The following DCAF6 variants were observed in gnomAD, a reference collection of about 807,000 sequenced individuals.
The protein encoded by DCAF6 is DDB1 and CUL4 associated factor 6.
Under a neutral mutation model 125.1 loss-of-function variants are expected in DCAF6, and 54 were observed. The observed-to-expected ratio is 0.43, with a 90% CI of 0.35 to 0.54. The LOEUF is 0.54. Among genes scored for constraint, DCAF6 ranks in the 20% least tolerant of loss-of-function variants. DCAF6 has a pLI of 0.01. For synonymous variants in DCAF6, 371 were observed against 390.4 expected (o/e 0.95, Z 0.58); for missense variants, 934 against 1,161.7 (o/e 0.80, Z 2.85).
At chr1:167,883,301 G>C in the DCAF6 span, 151 of 933,982 alleles carry the variant, frequency 1.6e-4, no homozygotes, top group Middle Eastern at 2.7e-4. Flanking sequence ...GCCTCCCAAA[G>C]AGCTGGGATT....
Position 168,065,485 on chromosome 1 carries a change from T to TA in DCAF6, c.2440-99dup, listed in dbSNP as rs1325598946. On this transcript the variant is annotated intron_variant, in intron 18 of 21. Coordinates refer to ENST00000367840, the MANE Select transcript of DCAF6 (RefSeq NM_001198956.2). ...TTTACTATTTTCTAAGCCAGTTTTT[T>TA]AAAAAATGTAAGAATTAAAACAAAT... The TA allele has an allele frequency of 1.8e-5, 17 of 940,882 alleles. No homozygotes were observed. In the East Asian group the frequency reaches 2.1e-4, roughly 12 times the overall value. The allele number at this position is 940,882 out of a possible 1,614,324, so 58.3% of individuals were successfully genotyped here.
chr1:167,882,880 G>A, the DCAF6 span, among the ~76,000 whole-genome samples: 1 of 152,184 alleles, frequency 6.6e-6, no homozygotes, highest in African/African-American at 2.4e-5. Context: ...TCTATATAAT[G>A]AGGATAATGA....
At chr1:168,059,532 T>C (rs1181652120) in intron 17 of DCAF6, among the ~76,000 whole-genome samples, 1 of 152,258 alleles carries the variant, frequency 6.6e-6, no homozygotes, top group Non-Finnish European at 1.5e-5. Context: ...ACTTTTTCAG[T>C]TCTACAAATA....
chr1:168,065,286 T>C (rs544919236), intron 18 of DCAF6, among the ~76,000 whole-genome samples: 234 of 152,186 alleles, frequency 1.5e-3, no homozygotes, highest in African/African-American at 5.4e-3. Flanking sequence ...CCTATCATAA[T>C]TTAAAGAAGC....
rs376516958 is a variant in DCAF6, at chr1:168,045,070, A to G, written c.2101A>G (p.Asn701Asp). The G allele has an allele frequency of 6.2e-7, 1 of 1,613,974 alleles. No homozygotes were observed. Among genetic ancestry groups the G allele is most frequent in the Non-Finnish European group, 8.5e-7 (1 of 1,179,962 alleles). Reference protein sequence around the residue: ...TSTESATNENNTNPEPQFQTE... With the variant: ...TSTESATNENDTNPEPQFQTE... ...CACTGAGAGTGCTACCAATGAAAATAACACCAATCCTGAGCCTCAGTTCCA... is the reference window on the plus strand; with the variant it reads ...CACTGAGAGTGCTACCAATGAAAATGACACCAATCCTGAGCCTCAGTTCCA... Residue 701 changes from asparagine (N) to aspartate (D), a missense_variant, in exon 16 of 22, where the codon AAC (asparagine) becomes GAC (aspartate). By Grantham distance (23) the Asn-to-Asp change is conservative. Transcript: ENST00000367840.
intron 4 of DCAF6, among the ~76,000 whole-genome samples, chr1:167,981,927 A>G (rs1197492776): frequency 1.3e-5 from 2 of 152,294 alleles, no homozygotes; most frequent in East Asian, 1.9e-4. Context: ...TGGTCATTCT[A>G]AGTTCTTTGA....
At chr1:167,967,117 T>C (rs1390009882) in intron 3 of DCAF6, among the ~76,000 whole-genome samples, 1 of 152,188 alleles carries the variant, frequency 6.6e-6, no homozygotes, top group African/African-American at 2.4e-5. Flanking sequence ...ATGTTAAGAA[T>C]AGTGTGGGTA....
intron 21 of DCAF6, among the ~76,000 whole-genome samples, chr1:168,070,338 T>C (rs991852306): frequency 6.6e-6 from 1 of 152,120 alleles, no homozygotes; most frequent in African/African-American, 2.4e-5. Flanking sequence ...ACCACTCTTT[T>C]TCTCTCCTAT....
chr1:167,925,166 C>A, the DCAF6 span, among the ~76,000 whole-genome samples: 1 of 151,896 alleles, frequency 6.6e-6, no homozygotes. Context: ...ATTCTTACAG[C>A]AAAATTCATT....
chr1:168,044,259 G>A (rs1339917754), intron 14 of DCAF6, among the ~76,000 whole-genome samples: 1 of 152,080 alleles, frequency 6.6e-6, no homozygotes, highest in African/African-American at 2.4e-5. Context: ...AAAAAATCTG[G>A]ATTTAATGAT....
intron 3 of DCAF6, among the ~76,000 whole-genome samples, chr1:167,971,178 A>G (rs1009235022): frequency 6.6e-6 from 1 of 152,118 alleles, no homozygotes; most frequent in Admixed American, 6.5e-5. Flanking sequence ...TTTAAAATTC[A>G]TTCTTCAAAT....
At chr1:167,990,189 C>A (rs1007534763) in intron 5 of DCAF6, among the ~76,000 whole-genome samples, 1 of 151,808 alleles carries the variant, frequency 6.6e-6, no homozygotes, top group African/African-American at 2.4e-5. Flanking sequence ...CATAGTGAGA[C>A]CCTATTTGTA....
At chr1:168,029,688 A>T (rs1231429563) in intron 12 of DCAF6, among the ~76,000 whole-genome samples, 1 of 152,160 alleles carries the variant, frequency 6.6e-6, no homozygotes, top group African/African-American at 2.4e-5. Flanking sequence ...GTGGTTAAGA[A>T]TCATGTCTAA....
In DCAF6 at chr1:168,075,590, G is replaced by A. The variant is rs1017906764; in HGVS notation, c.*155G>A. On this transcript the variant is annotated 3_prime_UTR_variant, in exon 22 of 22. Coordinates refer to ENST00000367840, the MANE Select transcript of DCAF6 (RefSeq NM_001198956.2). ...AACCTAACATTGGTTTGGAATGATT[G>A]TGTGCATGAATTTGGGAGATTGTAT... 6 of 607,964 alleles carry A rather than the reference G, an allele frequency of 9.9e-6. No homozygotes were observed. The highest frequency in any genetic ancestry group is 3.8e-5 in the Admixed American group (1 of 26,666). 37.7% of individuals were successfully genotyped at this position (607,964 alleles called of 1,614,324 possible). A position where few individuals can be genotyped will look rare whatever the true frequency, so the allele number is the denominator to read the frequency against.
In DCAF6 at chr1:168,052,504, C is replaced by G. The variant is rs946957339; in HGVS notation, c.2300+1571C>G. Among the ~76,000 whole-genome samples the G allele has an allele frequency of 2.0e-5, 3 of 152,170 alleles. 1 individual carries two copies. Among genetic ancestry groups the G allele is most frequent in the Non-Finnish European group, 4.4e-5 (3 of 68,038 alleles). ...TGTAGAGATTATCTGGTGGAAACTT[C>G]TAATTATAAGGCAGTATTTTCCTGC... On this transcript the variant is annotated intron_variant, in intron 17 of 21. Transcript: ENST00000367840.
chr1:168,060,006 A>G (rs1415482651), intron 17 of DCAF6, among the ~76,000 whole-genome samples: 2 of 152,150 alleles, frequency 1.3e-5, no homozygotes, highest in African/African-American at 4.8e-5. Context: ...CAGGTTTTGC[A>G]TATATTTTTT....
chr1:168,040,487 TAA>T (rs59135639), intron 13 of DCAF6, among the ~76,000 whole-genome samples: 7 of 142,958 alleles, frequency 4.9e-5, no homozygotes, highest in Non-Finnish European at 6.2e-5. Context: ...GGAGGTGGTT[TAA>T]AAAAAAAAAA....
At chr1:167,936,473 G>A (rs888582963), upstream of DCAF6, 11 of 183,992 alleles carry the variant, frequency 6.0e-5, no homozygotes, top group Non-Finnish European at 1.1e-4. Context: ...AGCGACTTAA[G>A]GATCTGGTTA....
intron 11 of DCAF6, among the ~76,000 whole-genome samples, chr1:168,017,640 G>T (rs1344853440): frequency 7.2e-5 from 11 of 152,020 alleles, no homozygotes; most frequent in Non-Finnish European, 2.9e-5. Flanking sequence ...ATGAAATTCA[G>T]CAGGAGGGTA....
Sources: allele counts gnomAD v4.1 joint callset (sites outside exome capture counted in the v4.1 genomes callset), GRCh38; gene constraint gnomAD v4.1.1; transcripts MANE v1.5; gene names NCBI Gene and HGNC (gene_info 2026-07-23, HGNC 2026-07-21).